Variants in LRIT2 observed in about 807,000 individuals in gnomAD.
LRIT2 encodes leucine-rich repeat, immunoglobulin-like domain and transmembrane domain-containing protein 2.
In LRIT2, 23 loss-of-function variants were observed where a neutral mutation model predicts 22.4. The ratio of observed to expected loss-of-function variants is 1.03; its 90% CI spans 0.74 to 1.45. The LOEUF (loss-of-function observed/expected upper bound fraction) is 1.45, where lower values mean the gene tolerates loss of function less well. LRIT2 is among the 40% of genes most tolerant of loss of function. The probability of loss-of-function intolerance (pLI) is 0.00; values close to 1 mark genes in which losing one functional copy is unlikely to be tolerated. For missense variants in LRIT2, 784 were observed against 665.6 expected (o/e 1.18, Z -1.96); for synonymous variants, 291 against 267.1 (o/e 1.09, Z -0.87).
At chr10:84,225,265 A>G in intron 1 of LRIT2, 146 bp downstream of exon 1, 2 of 1,181,386 alleles carry the variant, frequency 1.7e-6, no homozygotes. Context: ...AAAAATGCAC[A>G]GTTCAGCAAA....
chr10:84,222,629 G>A lies in LRIT2; in HGVS notation c.944C>T (p.Pro315Leu), dbSNP rs1028647575. ...EDTALSELAI[P>L]AAHLVDSGNY... ...ACCACTGTCTACCAGGTGGGCAGCA[G>A]GTATGGCCAGCTCTGACAGAGCAGT... The change falls in exon 3 of 3, where the codon CCT (proline) becomes CTT (leucine). Residue 315 changes from proline (P) to leucine (L), a missense_variant. Pro to Leu is a moderately conservative substitution (Grantham distance 98). Transcript: ENST00000372113. The A allele has an allele frequency of 6.2e-7, 1 of 1,614,012 alleles. No individual in the cohort carries two copies. The highest frequency in any genetic ancestry group is 8.5e-7 in the Non-Finnish European group (1 of 1,180,030).
In LRIT2 at chr10:84,221,972, T is replaced by G. The variant is rs781597756; in HGVS notation, c.1601A>C (p.His534Pro). ...CTCCTTGTCCCCCTCAGTGTCTATGTGCCCTTCACCGTCATCACAGACAGC... is the reference window on the plus strand; with the variant it reads ...CTCCTTGTCCCCCTCAGTGTCTATGGGCCCTTCACCGTCATCACAGACAGC... ...HPAVCDDGEGHIDTEGDKEKG... is the reference protein window; with the variant it reads ...HPAVCDDGEGPIDTEGDKEKG... Residue 534 changes from histidine (H) to proline (P), a missense_variant, in exon 3 of 3, where the codon CAC (histidine) becomes CCC (proline). Physicochemically the swap from His to Pro is moderately conservative, Grantham distance 77. Coordinates refer to ENST00000372113, the MANE Select transcript of LRIT2 (RefSeq NM_001017924.5). The G allele has an allele frequency of 1.3e-6, 2 of 1,569,446 alleles. No homozygotes were observed. The highest frequency in any genetic ancestry group is 2.3e-5 in the East Asian group (1 of 44,408).
Position 84,222,262 on chromosome 10 carries a change from G to C in LRIT2, c.1311C>G (p.Gly437=), listed in dbSNP as rs1372478375. The change falls in exon 3 of 3, where the codon GGC becomes GGG. Residue 437 remains glycine, a synonymous_variant. Transcript: ENST00000372113. ...CACACTGGCCCTGGTGTGGAGGCTG[G>C]CCCTCTAGGCTGAGGCAGGCCTCAT... ...TKYEACLSLE[G]QPPHQGQCVA... is the part of the protein sequence containing the mutation. 2.5e-6 allele frequency: 4 copies of C among 1,614,104 alleles called. No individual in the cohort carries two copies. Among genetic ancestry groups the C allele is most frequent in the Non-Finnish European group, 3.4e-6 (4 of 1,180,052 alleles).
intron 2 of LRIT2, 186 bp from the exon 3 acceptor site, chr10:84,222,866 T>G (rs921918375): frequency 1.4e-6 from 1 of 720,982 alleles, no homozygotes; most frequent in Middle Eastern, 2.3e-4. Context: ...TCCTGTAAGA[T>G]AAATAACTGA....
intron 2 of LRIT2, 84 bp downstream of exon 2, chr10:84,224,249 G>A: frequency 7.1e-7 from 1 of 1,415,410 alleles, no homozygotes; most frequent in Non-Finnish European, 9.5e-7. Context: ...GACTGACCCA[G>A]CTTTGAATCT....
intron 2 of LRIT2, 70 bp downstream of exon 2, chr10:84,224,263 T>C: frequency 6.7e-7 from 1 of 1,489,544 alleles, no homozygotes; most frequent in South Asian, 1.3e-5. Flanking sequence ...TGAATCTCTC[T>C]AATGAGGATG....
At position 84,225,130 on chromosome 10, in the gene LRIT2, G is replaced by A. The variant is rs760511950; in HGVS notation, c.111-16C>T. The A allele has an allele frequency of 6.9e-6, 11 of 1,588,198 alleles. No individual in the cohort carries two copies. The African/African-American group carries it at 1.5e-4, about 21-fold the overall frequency. ...CTGCAGAGTCCTGTACAAGAAACCA[G>A]AACAGCTTTAAGATAAACAACAGGG... On this transcript the variant is annotated splice_polypyrimidine_tract_variant and intron_variant, in intron 1 of 2. Transcript: ENST00000372113.
rs755557115 is a variant in LRIT2, at chr10:84,225,080, T to A, written c.145A>T (p.Ile49Phe). 20 of 1,613,778 alleles carry A rather than the reference T, an allele frequency of 1.2e-5. No homozygotes were observed. The highest frequency in any genetic ancestry group is 1.6e-4 in the Middle Eastern group (1 of 6,084). The change falls in exon 2 of 3, where the codon ATC becomes TTC. Residue 49 changes from isoleucine to phenylalanine, a missense_variant. Ile to Phe is a conservative substitution (Grantham distance 21, BLOSUM62 0). Coordinates refer to ENST00000372113, the MANE Select transcript of LRIT2 (RefSeq NM_001017924.5). ...AACTCTTCAGAAAGGTTCCCAGGGA[T>A]CTTTCCCAAGGAGACAGATGTGCAC... ...LQCTSVSLGKIPGNLSEEFKQ... is the reference protein window; with the variant it reads ...LQCTSVSLGKFPGNLSEEFKQ...
Position 84,222,337 on chromosome 10 carries a change from G to A in LRIT2, c.1236C>T (p.Gly412=), listed in dbSNP as rs41291372. The part of the protein sequence containing the change: ...EAFRKEVVHI[G]PGINTYAVDD... ...CCACAGCATAAGTATTGATTCCGGG[G>A]CCAATGTGAACCACCTCCTTCCTGA... is the stretch of plus-strand genomic sequence containing the variant. Residue 412 remains glycine, a synonymous_variant, in exon 3 of 3, where the codon GGC becomes GGT. Coordinates refer to ENST00000372113, the MANE Select transcript of LRIT2 (RefSeq NM_001017924.5). 2.6e-3 allele frequency: 4,177 copies of A among 1,614,168 alleles called. 7 individuals are homozygous for A. The highest frequency in any genetic ancestry group is 3.4e-3 in the Non-Finnish European group (3,956 of 1,180,044).
In LRIT2 at chr10:84,222,208, AC is replaced by A. The variant is rs770768989; in HGVS notation, c.1364del (p.Gly455ValfsTer3). 6.2e-7 allele frequency: 1 copy of A among 1,614,228 alleles called. No individual in the cohort carries two copies. The highest frequency in any genetic ancestry group is 8.5e-7 in the Non-Finnish European group (1 of 1,180,044). On this transcript the variant is annotated frameshift_variant, in exon 3 of 3. Transcript: ENST00000372113. LOFTEE classifies it low-confidence loss of function (END_TRUNC). The stretch of plus-strand genomic sequence containing the variant: ...GGAGGTGCTCACGTGCCTCTAGCCC[AC>A]CAGCATCTCTGCCTGTTACAAAAGC... Reference protein sequence around the residue: ...CVAFVTGRDAGGLEAREHLLH... With the variant: ...CVAFVTGRDAXGLEAREHLLH...
rs1216522593 is a variant in LRIT2, at chr10:84,224,975, G to A, written c.250C>T (p.Leu84Phe). Reference sequence around the variant, plus strand: ...CTGATATTGTTAAAATTGAGCCAGAGGTATTCCAAGGTGCTCATGTTGATG... The same window carrying A: ...CTGATATTGTTAAAATTGAGCCAGAAGTATTCCAAGGTGCTCATGTTGATG... ...SFINMSTLEY[L>F]WLNFNNISVI... is the part of the protein sequence containing the mutation. The change falls in exon 2 of 3, where the codon CTC (leucine) becomes TTC (phenylalanine). Residue 84 changes from leucine to phenylalanine, a missense_variant. Transcript: ENST00000372113. 3.7e-6 allele frequency: 6 copies of A among 1,613,976 alleles called. No homozygotes were observed. The African/African-American group carries it at 6.7e-5, about 18-fold the overall frequency.
rs372759204 is a variant in LRIT2, at chr10:84,221,977, T to C, written c.1596A>G (p.Glu532=). Residue 532 remains glutamate, a synonymous_variant, in exon 3 of 3, where the codon GAA becomes GAG. Transcript: ENST00000372113. ...REHPAVCDDG[E]GHIDTEGDKE... is the part of the protein sequence containing the mutation. ...TGTCCCCCTCAGTGTCTATGTGCCC[T>C]TCACCGTCATCACAGACAGCTGGAT... 50 of 1,575,480 alleles carry C rather than the reference T, an allele frequency of 3.2e-5. No individual in the cohort carries two copies. Among genetic ancestry groups the C allele is most frequent in the Non-Finnish European group, 3.8e-5 (44 of 1,159,416 alleles).
Position 84,225,012 on chromosome 10 carries a change from G to C in LRIT2, c.213C>G (p.Pro71=). Residue 71 remains proline (P), a synonymous_variant, in exon 2 of 3, where the codon CCC becomes CCG. Coordinates refer to ENST00000372113, the MANE Select transcript of LRIT2 (RefSeq NM_001017924.5). ...RIENSPLFEM[P]QGSFINMSTL... ...TGCTCATGTTGATGAAAGACCCTTG[G>C]GGCATCTCAAATAAGGGTGAATTTT... 1 of 1,614,022 alleles carries C rather than the reference G, an allele frequency of 6.2e-7. No homozygotes were observed. Among genetic ancestry groups the C allele is most frequent in the Non-Finnish European group, 8.5e-7 (1 of 1,179,984 alleles).
At position 84,224,827 on chromosome 10, in the gene LRIT2, TC is replaced by T; in HGVS notation, c.397del (p.Asp133IlefsTer21). 1.2e-6 allele frequency: 2 copies of T among 1,614,016 alleles called. No individual in the cohort carries two copies. Among genetic ancestry groups the T allele is most frequent in the South Asian group, 2.2e-5 (2 of 91,064 alleles). ...FRATPLLRVL[D>X]LKRNKIDALP... Reference sequence around the variant, plus strand: ...TGCATCAATCTTGTTGCGTTTGAGATCCAAGACCCTCAGGAGAGGGGTGGCA... The same window carrying T: ...TGCATCAATCTTGTTGCGTTTGAGATCAAGACCCTCAGGAGAGGGGTGGCA... On this transcript the variant is annotated frameshift_variant, in exon 2 of 3. Coordinates refer to ENST00000372113, the MANE Select transcript of LRIT2 (RefSeq NM_001017924.5). LOFTEE classifies it high-confidence loss of function.
chr10:84,225,480 A>G lies in LRIT2; in HGVS notation c.41T>C (p.Phe14Ser), dbSNP rs746449945. Residue 14 changes from phenylalanine (F) to serine (S), a missense_variant, in exon 1 of 3, where the codon TTT becomes TCT. Transcript: ENST00000372113. ...AGGCTGAGCTGCGTGTGTATCCAGA[A>G]AGACCAGAACTAACAGGAAGTAATG... ...VFHYFLLVLV[F>S]LDTHAAQPFC... 4 of 1,614,238 alleles carry G rather than the reference A, an allele frequency of 2.5e-6. No individual in the cohort carries two copies. In the East Asian group the frequency reaches 6.7e-5, roughly 27 times the overall value.
intron 2 of LRIT2, 149 bp from the exon 3 acceptor site, chr10:84,222,829 T>C: frequency 1.2e-6 from 1 of 854,600 alleles, no homozygotes; most frequent in Non-Finnish European, 1.9e-6. Context: ...ACCTCGTACC[T>C]GGTGTCAGGT....
rs1040570460 is a variant in LRIT2, at chr10:84,225,029, G to A, written c.196C>T (p.Pro66Ser). The change falls in exon 2 of 3, where the codon CCC becomes TCC. Residue 66 changes from proline to serine, a missense_variant. By Grantham distance (74) the Pro-to-Ser change is moderately conservative. Transcript: ENST00000372113. ...GACCCTTGGGGCATCTCAAATAAGGGTGAATTTTCAATTCTCACTTGCTTG... is the reference window on the plus strand; with the variant it reads ...GACCCTTGGGGCATCTCAAATAAGGATGAATTTTCAATTCTCACTTGCTTG... The part of the protein sequence containing the change: ...EFKQVRIENS[P>S]LFEMPQGSFI... The A allele has an allele frequency of 6.2e-7, 1 of 1,613,908 alleles. No homozygotes were observed. The highest frequency in any genetic ancestry group is 1.3e-5 in the African/African-American group (1 of 74,860).
intron 2 of LRIT2, 51 bp downstream of exon 2, chr10:84,224,282 A>G: frequency 6.4e-7 from 1 of 1,550,704 alleles, no homozygotes; most frequent in South Asian, 1.2e-5. Context: ...TGGGTTTGCT[A>G]CAGACCTCTC....
chr10:84,224,210 T>C, intron 2 of LRIT2, 123 bp downstream of exon 2: 1 of 914,322 alleles, frequency 1.1e-6, no homozygotes, highest in East Asian at 2.6e-5. Flanking sequence ...TTCAGGGCTA[T>C]CCCAATCTTA....
Sources: gnomAD v4.1 joint callset for allele counts on GRCh38, gnomAD v4.1.1 for gene constraint, MANE v1.5 for transcripts, NCBI Gene and HGNC (gene_info 2026-07-23, HGNC 2026-07-21) for gene names.